Variants in STOX2 observed in about 807,000 individuals in gnomAD.
STOX2 encodes the protein storkhead box 2, also known as storkhead-box protein 2.
Under a neutral mutation model 60.9 loss-of-function variants are expected in STOX2, and 28 were observed. The observed-to-expected ratio is 0.46, with a 90% CI of 0.34 to 0.63. The LOEUF (loss-of-function observed/expected upper bound fraction) is 0.63, where lower values mean the gene tolerates loss of function less well. Among genes scored for constraint, STOX2 ranks in the 30% least tolerant of loss-of-function variants. The pLI is 0.01. For missense variants in STOX2, 1,024 were observed against 1,187.7 expected (o/e 0.86, Z 2.03); for synonymous variants, 472 against 463.9 (o/e 1.02, Z -0.22).
At chr4:183,992,856 C>T (rs1020149525) in intron 1 of STOX2, among the ~76,000 whole-genome samples, 5 of 152,328 alleles carry the variant, frequency 3.3e-5, no homozygotes, top group African/African-American at 4.8e-5. Context: ...TGAAAGCATT[C>T]GGCTAGGTTT....
intron 1 of STOX2, among the ~76,000 whole-genome samples, chr4:183,811,413 G>A (rs962649871): frequency 3.3e-5 from 5 of 152,290 alleles, no homozygotes; most frequent in South Asian, 4.1e-4. Flanking sequence ...ATTTTCAGAC[G>A]TTACAAGCAC....
At chr4:183,946,165 T>A (rs1742880729) in intron 1 of STOX2, among the ~76,000 whole-genome samples, 1 of 152,152 alleles carries the variant, frequency 6.6e-6, no homozygotes, top group Admixed American at 6.5e-5. Context: ...CCTCTCAGTG[T>A]TTAATAAAAT....
chr4:183,940,857 A>G (rs962180330), intron 1 of STOX2, among the ~76,000 whole-genome samples: 1 of 152,172 alleles, frequency 6.6e-6, no homozygotes, highest in Non-Finnish European at 1.5e-5. Context: ...TTAAAGTTTT[A>G]TTTTACAATT....
At chr4:183,978,401 T>C (rs962884390) in intron 1 of STOX2, among the ~76,000 whole-genome samples, 18 of 152,120 alleles carry the variant, frequency 1.2e-4, no homozygotes, top group African/African-American at 4.1e-4. Flanking sequence ...TGTCAAAGAT[T>C]AGTTGGTTGT....
chr4:184,011,729 A>G lies in STOX2; in HGVS notation c.2585+306A>G, dbSNP rs1734183467. On this transcript the variant is annotated intron_variant, in intron 3 of 3. Coordinates refer to ENST00000308497, the MANE Select transcript of STOX2 (RefSeq NM_020225.3). This position sits in a 1 kb window ranked among gnomAD's most constrained non-coding sequence, Gnocchi z 4.4. ...TTCTGCTACGTTCATATTGCCACCCATGCTAAGAGAAGGATGTTTTTTAAG... is the reference window on the plus strand; with the variant it reads ...TTCTGCTACGTTCATATTGCCACCCGTGCTAAGAGAAGGATGTTTTTTAAG... The G allele has an allele frequency of 1.1e-6, 1 of 910,346 alleles. No homozygotes were observed. Among genetic ancestry groups the G allele is most frequent in the African/African-American group, 1.7e-5 (1 of 58,588 alleles). 56.4% of individuals were successfully genotyped at this position (910,346 alleles called of 1,614,324 possible). A position where few individuals can be genotyped will look rare whatever the true frequency, so the allele number is the denominator to read the frequency against.
At chr4:183,851,063 G>C in intron 1 of STOX2, among the ~76,000 whole-genome samples, 1 of 135,556 alleles carries the variant, frequency 7.4e-6, no homozygotes, top group African/African-American at 2.8e-5. Flanking sequence ...TGAGAGAAAG[G>C]ATGAGGGAAA....
chr4:184,011,522 A>G lies in STOX2; in HGVS notation c.2585+99A>G, dbSNP rs1448843038. 8 of 1,577,170 alleles carry G rather than the reference A, an allele frequency of 5.1e-6. No individual in the cohort carries two copies. Among genetic ancestry groups the G allele is most frequent in the African/African-American group, 2.7e-5 (2 of 73,708 alleles). ...TTTCTGATTTCGTAGTCTCAGTTCT[A>G]TGGATGAGGGTTAAGAGTTGTATGA... On this transcript the variant is annotated intron_variant, in intron 3 of 3. Coordinates refer to ENST00000308497, the MANE Select transcript of STOX2 (RefSeq NM_020225.3). This position sits in a 1 kb window ranked among gnomAD's most constrained non-coding sequence, Gnocchi z 4.4.
At chr4:183,989,079 A>G (rs556165073) in intron 1 of STOX2, among the ~76,000 whole-genome samples, 2 of 152,236 alleles carry the variant, frequency 1.3e-5, no homozygotes, top group Non-Finnish European at 2.9e-5. Flanking sequence ...GGAAATAATC[A>G]GACTGCCCCA....
chr4:183,848,780 A>G (rs1228043041), intron 1 of STOX2, among the ~76,000 whole-genome samples: 1 of 152,236 alleles, frequency 6.6e-6, no homozygotes, highest in Non-Finnish European at 1.5e-5. Flanking sequence ...CAAAACTTAC[A>G]GACAGTCATG....
intron 1 of STOX2, among the ~76,000 whole-genome samples, chr4:183,842,976 C>T (rs1739898670): frequency 6.6e-6 from 1 of 151,688 alleles, no homozygotes; most frequent in Admixed American, 6.6e-5. Flanking sequence ...GGCGAAACCC[C>T]ATCTCTACTA....
intron 1 of STOX2, chr4:183,988,357 G>C (rs1323588001): frequency 1.3e-5 from 2 of 152,032 alleles, no homozygotes; most frequent in African/African-American, 4.8e-5. Flanking sequence ...TGTGATGTAC[G>C]GGATAGGCAT....
At chr4:183,948,293 T>C (rs1407976585) in intron 1 of STOX2, among the ~76,000 whole-genome samples, 1 of 150,486 alleles carries the variant, frequency 6.6e-6, no homozygotes, top group Non-Finnish European at 1.5e-5. Context: ...GGAGGCTTAT[T>C]TCCTTTCAAA....
intron 1 of STOX2, among the ~76,000 whole-genome samples, chr4:183,928,450 T>C (rs1742310174): frequency 6.6e-6 from 1 of 152,242 alleles, no homozygotes; most frequent in Admixed American, 6.5e-5. Flanking sequence ...AAACGTATCT[T>C]TCAGCTGGAG....
chr4:183,875,386 T>A (rs78975610), intron 1 of STOX2, among the ~76,000 whole-genome samples: 2,005 of 152,336 alleles, frequency 0.013, 37 homozygotes, highest in African/African-American at 0.046. Flanking sequence ...TTTTGTTTTC[T>A]GTTCCTTATT....
chr4:183,834,694 A>G (rs942882362), intron 1 of STOX2, among the ~76,000 whole-genome samples: 3 of 152,256 alleles, frequency 2.0e-5, no homozygotes, highest in Admixed American at 2.0e-4. Context: ...TTAGGCAAAG[A>G]GAACACAAAG....
chr4:183,960,229 A>C (rs766488570), intron 1 of STOX2: 7 of 152,180 alleles, frequency 4.6e-5, no homozygotes, highest in Admixed American at 6.5e-5. Context: ...TCTTTGTGTG[A>C]ACCGGTGCAT....
At chr4:183,871,789 G>A (rs1312785795) in intron 1 of STOX2, among the ~76,000 whole-genome samples, 5 of 151,950 alleles carry the variant, frequency 3.3e-5, no homozygotes, top group South Asian at 2.1e-4. Context: ...ATAAGTGATC[G>A]TTTGGAAAAT....
Position 184,009,971 on chromosome 4 carries a change from T to C in STOX2, c.1133T>C (p.Val378Ala). The change falls in exon 3 of 4, where the codon GTG (valine) becomes GCG (alanine). Residue 378 changes from valine to alanine, a missense_variant. Around this residue, in one of 3 missense-constraint regions of STOX2, gnomAD observed 922 missense variants for 1,058.3 expected, o/e 0.87. Coordinates refer to ENST00000308497, the MANE Select transcript of STOX2 (RefSeq NM_020225.3). The surrounding 1 kb of genome is among the most constrained non-coding windows in gnomAD (Gnocchi z 4.0). Reference protein sequence around the residue: ...GKSRSHSKTRVSKGDPSDGSH... With the variant: ...GKSRSHSKTRASKGDPSDGSH... ...TCTCGGTCTCACAGCAAGACACGGG[T>C]GTCTAAAGGAGACCCTTCCGACGGT... The C allele has an allele frequency of 1.2e-6, 2 of 1,613,886 alleles. No individual in the cohort carries two copies. Among genetic ancestry groups the C allele is most frequent in the Non-Finnish European group, 8.5e-7 (1 of 1,179,866 alleles).
intron 1 of STOX2, chr4:183,798,527 C>T (rs1403892411): frequency 4.0e-6 from 3 of 751,782 alleles, no homozygotes; most frequent in Non-Finnish European, 4.9e-6. Context: ...ACGCCCTTCC[C>T]TGGGCGGCGA....
Sources: allele counts gnomAD v4.1 joint callset (sites outside exome capture counted in the v4.1 genomes callset), GRCh38; gene constraint gnomAD v4.1.1; regional missense constraint gnomAD v4.1.1; non-coding constraint Gnocchi (gnomAD v3.1); transcripts MANE v1.5; gene names NCBI Gene and HGNC (gene_info 2026-07-23, HGNC 2026-07-21).